The following BCR variants were observed in gnomAD, a reference collection of about 807,000 sequenced individuals.
BCR encodes BCR activator of RhoGEF and GTPase.
BCR carries 58 observed loss-of-function variants against 138.6 expected under a neutral mutation model. The observed-to-expected ratio is 0.42, with a 90% CI of 0.34 to 0.52. BCR has a LOEUF of 0.52. BCR is among the 20% of genes least tolerant of loss of function. BCR has a pLI of 0.06. For synonymous variants in BCR, 786 were observed against 730.1 expected (o/e 1.08, Z -1.23); for missense variants, 1,599 against 1,727.2 (o/e 0.93, Z 1.32).
chr22:23,313,692 C>A (rs1299220411), intron 20 of BCR, among the ~76,000 whole-genome samples: 1 of 152,192 alleles, frequency 6.6e-6, no homozygotes, highest in African/African-American at 2.4e-5. Context: ...TGTCCAAGGG[C>A]AGCTCTGCCC....
rs1360090363 is a variant in BCR, at chr22:23,287,245, C to T, written c.2493C>T (p.Ser831=). The T allele has an allele frequency of 1.3e-6, 2 of 1,557,068 alleles. No individual in the cohort carries two copies. Among genetic ancestry groups the T allele is most frequent in the African/African-American group, 2.7e-5 (2 of 73,408 alleles). ...CACTGCTGCTGCTTATGTCTCCCAG[C>T]ATGGCCTTCAGGGTGCACAGCCGCA... ...QESLLLLMSP[S]MAFRVHSRNG... is the part of the protein sequence containing the mutation. The change falls in exon 11 of 23, where the codon AGC becomes AGT. Residue 831 remains serine, a synonymous_variant. Transcript: ENST00000305877.
chr22:23,263,172 G>A, intron 4 of BCR: 4 of 817,454 alleles, frequency 4.9e-6, no homozygotes, highest in Non-Finnish European at 7.5e-6. Context: ...GGAGGAGGCG[G>A]CTCGGGAGTC....
At chr22:23,279,579 G>A (rs2073619065) in intron 8 of BCR, among the ~76,000 whole-genome samples, 1 of 152,198 alleles carries the variant, frequency 6.6e-6, no homozygotes, top group Admixed American at 6.5e-5. Flanking sequence ...GCTGCCTCCA[G>A]GGCCCCCCCA....
chr22:23,308,969 C>T (rs1030980773), intron 16 of BCR, among the ~76,000 whole-genome samples: 62 of 152,074 alleles, frequency 4.1e-4, no homozygotes, highest in Admixed American at 8.5e-4. Flanking sequence ...GGCCTGCAGG[C>T]TCCTCCCGCC....
In BCR at chr22:23,314,691, T is replaced by A. The variant is rs55719322; in HGVS notation, c.3703T>A (p.Trp1235Arg). 38 of 1,611,590 alleles carry A rather than the reference T, an allele frequency of 2.4e-5. No homozygotes were observed. The highest frequency in any genetic ancestry group is 3.3e-5 in the Admixed American group (2 of 59,972). Residue 1235 changes from tryptophan (W) to arginine (R), a missense_variant, in exon 22 of 23, where the codon TGG becomes AGG. Around this residue, in one of 4 missense-constraint regions of BCR, gnomAD observed 177 missense variants for 226.4 expected, o/e 0.78. Transcript: ENST00000305877. ...CCAGCCTATCACCATGACTGACAGC[T>A]GGTCCTTGGAGGTCATGTCCCAGGT... The part of the protein sequence containing the change: ...PSQPITMTDS[W>R]SLEVMSQVQV...
intron 1 of BCR, among the ~76,000 whole-genome samples, chr22:23,209,101 TG>T (rs1438806975): frequency 6.6e-6 from 1 of 152,204 alleles, no homozygotes; most frequent in Non-Finnish European, 1.5e-5. Flanking sequence ...GGCTCACGCC[TG>T]TAATCCCAGC....
At chr22:23,286,732 C>T (rs889534520) in intron 10 of BCR, among the ~76,000 whole-genome samples, 2 of 152,144 alleles carry the variant, frequency 1.3e-5, no homozygotes, top group African/African-American at 2.4e-5. Flanking sequence ...TGGTCTTCTG[C>T]TGGCATCTCC....
chr22:23,308,241 T>A (rs2073969875), intron 16 of BCR, among the ~76,000 whole-genome samples: 1 of 152,086 alleles, frequency 6.6e-6, no homozygotes, highest in Non-Finnish European at 1.5e-5. Flanking sequence ...GCTGTGTAAA[T>A]CCCAGGTCCC....
intron 15 of BCR, 75 bp downstream of exon 15, chr22:23,292,713 C>A: frequency 3.8e-6 from 5 of 1,311,724 alleles, no homozygotes; most frequent in Non-Finnish European, 5.4e-6. Flanking sequence ...ATAATCTAAA[C>A]CTTCAGGGGC....
chr22:23,183,597 C>G (rs1372920592), intron 1 of BCR, among the ~76,000 whole-genome samples: 2 of 152,238 alleles, frequency 1.3e-5, no homozygotes. Flanking sequence ...TTTGCAGGCA[C>G]ATCAGCTCGT....
At chr22:23,221,384 T>G (rs993647398) in intron 1 of BCR, among the ~76,000 whole-genome samples, 1 of 152,120 alleles carries the variant, frequency 6.6e-6, no homozygotes, top group Non-Finnish European at 1.5e-5. Context: ...TTCTCTCCCC[T>G]CCCTCCTTCA....
chr22:23,263,599 C>A (rs2073398837), intron 4 of BCR: 6 of 1,533,158 alleles, frequency 3.9e-6, no homozygotes, highest in Non-Finnish European at 1.8e-6. Flanking sequence ...GTCTGCTGGG[C>A]ATGATGAGGA....
At chr22:23,184,211 C>T (rs1234016075) in intron 1 of BCR, among the ~76,000 whole-genome samples, 1 of 152,164 alleles carries the variant, frequency 6.6e-6, no homozygotes, top group East Asian at 1.9e-4. Context: ...ACAGCCTTTT[C>T]AGCAGCTGGG....
At chr22:23,222,557 A>G (rs1301860438) in intron 1 of BCR, among the ~76,000 whole-genome samples, 1 of 150,768 alleles carries the variant, frequency 6.6e-6, no homozygotes, top group Non-Finnish European at 1.5e-5. Flanking sequence ...GAGAAGGCTA[A>G]GAGAGGGTGG....
intron 1 of BCR, among the ~76,000 whole-genome samples, chr22:23,217,245 C>T (rs1602025022): frequency 2.0e-5 from 3 of 152,304 alleles, no homozygotes; most frequent in Admixed American, 2.0e-4. Flanking sequence ...GTAAAAAATC[C>T]TTAGCATGTT....
chr22:23,266,436 C>A (rs2073442150), intron 4 of BCR, among the ~76,000 whole-genome samples: 1 of 151,844 alleles, frequency 6.6e-6, no homozygotes, highest in Non-Finnish European at 1.5e-5. Context: ...GTCACCCAGG[C>A]TGGAGTGCAG....
intron 1 of BCR, among the ~76,000 whole-genome samples, chr22:23,216,147 C>A (rs1024166940): frequency 5.3e-5 from 8 of 152,114 alleles, no homozygotes; most frequent in Non-Finnish European, 8.8e-5. Context: ...TAAGCGTTGG[C>A]AACACCACCG....
intron 16 of BCR, 64 bp from the exon 17 acceptor site, chr22:23,309,360 G>A (rs2073983531): frequency 7.9e-7 from 1 of 1,272,340 alleles, no homozygotes; most frequent in Non-Finnish European, 1.1e-6. Context: ...GGTGTGGGCT[G>A]CTGCCCCGTG....
At chr22:23,201,606 C>A (rs1403378470) in intron 1 of BCR, among the ~76,000 whole-genome samples, 1 of 152,156 alleles carries the variant, frequency 6.6e-6, no homozygotes, top group Non-Finnish European at 1.5e-5. Flanking sequence ...TACAGGCACC[C>A]ACCACCATGC....
Sources: gnomAD v4.1 joint callset for allele counts (sites outside exome capture counted in the v4.1 genomes callset) on GRCh38, gnomAD v4.1.1 for gene constraint, gnomAD v4.1.1 regional missense constraint, MANE v1.5 for transcripts, NCBI Gene and HGNC (gene_info 2026-07-23, HGNC 2026-07-21) for gene names.